PDCD4: variants seen among roughly 807,000 people sequenced by gnomAD.
The protein encoded by PDCD4 is programmed cell death protein 4.
PDCD4 carries 56 observed loss-of-function variants against 54.0 expected under a neutral mutation model. The observed-to-expected ratio is 1.04, with a 90% CI of 0.84 to 1.30. The LOEUF is 1.30. Ranked by LOEUF, PDCD4 falls within the 50% of genes most tolerant of loss-of-function variation. The pLI, the probability that PDCD4 is intolerant of heterozygous loss-of-function variation, is 0.00. For missense variants in PDCD4, 584 were observed against 559.8 expected (o/e 1.04, Z -0.44); for synonymous variants, 186 against 194.8 (o/e 0.95, Z 0.37).
Position 110,887,807 on chromosome 10 carries a change from C to T in PDCD4, c.698C>T (p.Thr233Ile), listed in dbSNP as rs144940985. Residue 233 changes from threonine to isoleucine, a missense_variant, in exon 6 of 12, where the codon ACA becomes ATA. Transcript: ENST00000280154. ...LSDLCGTVMS[T>I]TDVEKSFDKL... ...GACCTTTGTGGGACAGTAATGAGCA[C>T]AACTGATGTGGAAAAATCATTTGAT... 35 of 1,613,666 alleles carry T rather than the reference C, an allele frequency of 2.2e-5. No homozygotes were observed. The African/African-American group carries it at 4.0e-4, about 18-fold the overall frequency.
At chr10:110,885,161 A>G (rs902327152) in intron 4 of PDCD4, 92 bp from the exon 5 acceptor site, 1 of 644,482 alleles carries the variant, frequency 1.6e-6, no homozygotes, top group Non-Finnish European at 2.8e-6. Context: ...AGTGGGGATT[A>G]TTAACCACTT....
At chr10:110,875,835 T>A in intron 1 of PDCD4, 131 bp from the exon 2 acceptor site, 1 of 437,912 alleles carries the variant, frequency 2.3e-6, no homozygotes, top group Middle Eastern at 5.8e-4. Flanking sequence ...GTGAACTGTT[T>A]TATTTAATGG....
chr10:110,878,076 T>C (rs1054070352), intron 2 of PDCD4, among the ~76,000 whole-genome samples: 2 of 152,176 alleles, frequency 1.3e-5, no homozygotes, highest in Admixed American at 1.3e-4. Flanking sequence ...AAGAGGGAAT[T>C]AGTACACAGT....
At chr10:110,872,649 G>A (rs73343803) in intron 1 of PDCD4, among the ~76,000 whole-genome samples, 10,591 of 152,266 alleles carry the variant, frequency 0.07, 723 homozygotes, top group African/African-American at 0.17. Flanking sequence ...TATCCTCGCC[G>A]GGGGCGCTGG....
intron 10 of PDCD4, among the ~76,000 whole-genome samples, chr10:110,894,757 TTATG>T (rs1164381954): frequency 6.6e-6 from 1 of 151,152 alleles, no homozygotes; most frequent in African/African-American, 2.4e-5. Context: ...ACAAATGTAA[TTATG>T]TATTCTACCT....
chr10:110,876,702 T>C, intron 2 of PDCD4: 2 of 1,278,738 alleles, frequency 1.6e-6, no homozygotes, highest in East Asian at 2.8e-5. Context: ...GGTGCTTCAA[T>C]AGCATGTTAT....
chr10:110,879,119 CCA>C (rs1489847915), intron 2 of PDCD4, among the ~76,000 whole-genome samples: 1 of 152,080 alleles, frequency 6.6e-6, no homozygotes, highest in Non-Finnish European at 1.5e-5. Context: ...ATTATTTATC[CCA>C]CAGTTACTAC....
intron 7 of PDCD4, 33 bp from the exon 8 acceptor site, chr10:110,890,523 C>G: frequency 7.7e-7 from 1 of 1,296,598 alleles, no homozygotes; most frequent in South Asian, 1.3e-5. Flanking sequence ...GTATGTCCAG[C>G]TATCAAACTT....
chr10:110,882,971 G>A (rs1481306741), intron 3 of PDCD4, 32 bp from the exon 4 acceptor site: 3 of 1,306,876 alleles, frequency 2.3e-6, no homozygotes, highest in South Asian at 2.4e-5. Context: ...TGAATTTTGT[G>A]TTTTTTCTTT....
chr10:110,893,280 T>C (rs760337393), intron 8 of PDCD4, among the ~76,000 whole-genome samples: 1 of 151,910 alleles, frequency 6.6e-6, no homozygotes, highest in Non-Finnish European at 1.5e-5. Flanking sequence ...TCCTAAAGCA[T>C]GACAGCAATT....
intron 5 of PDCD4, 88 bp downstream of exon 5, chr10:110,885,454 C>A: frequency 3.5e-6 from 2 of 573,796 alleles, no homozygotes; most frequent in South Asian, 2.6e-5. Context: ...GATCTTGGGT[C>A]ACTGAATAAA....
rs150592695 is a variant in PDCD4, at chr10:110,875,739, C to G, written c.-62-227C>G. 4.4e-4 allele frequency among the ~76,000 whole-genome samples: 66 copies of G among 151,602 alleles called. 1 individual carries two copies. The East Asian group carries it at 0.01, about 24-fold the overall frequency. ...GGGGTGCTTTGGCACATGCTGAAAT[C>G]TGGGATTTTTTTTTTTGACTTTGAT... is the stretch of plus-strand genomic sequence containing the variant. On this transcript the variant is annotated intron_variant, in intron 1 of 11. Coordinates refer to ENST00000280154, the MANE Select transcript of PDCD4 (RefSeq NM_014456.5).
intron 2 of PDCD4, among the ~76,000 whole-genome samples, chr10:110,877,846 A>AT (rs1845530373): frequency 6.6e-6 from 1 of 152,220 alleles, no homozygotes; most frequent in Non-Finnish European, 1.5e-5. Context: ...TAAAATTGGG[A>AT]TATAAATACC....
chr10:110,878,003 G>A (rs949497522), intron 2 of PDCD4, among the ~76,000 whole-genome samples: 5 of 152,164 alleles, frequency 3.3e-5, no homozygotes, highest in African/African-American at 1.2e-4. Flanking sequence ...TTGAAAATGT[G>A]ATTTTCTGGT....
At chr10:110,893,527 G>T (rs1317342485) in intron 8 of PDCD4, among the ~76,000 whole-genome samples, 3 of 151,862 alleles carry the variant, frequency 2.0e-5, no homozygotes, top group Non-Finnish European at 4.4e-5. Flanking sequence ...GGAAAATCAA[G>T]ACTTGTCTCT....
At chr10:110,877,014 T>C (rs1200175587) in intron 2 of PDCD4, among the ~76,000 whole-genome samples, 1 of 152,216 alleles carries the variant, frequency 6.6e-6, no homozygotes, top group African/African-American at 2.4e-5. Context: ...TTCTTTGATC[T>C]GAACAAACAT....
chr10:110,874,856 AT>A (rs1845477643), intron 1 of PDCD4, among the ~76,000 whole-genome samples: 1 of 152,154 alleles, frequency 6.6e-6, no homozygotes, highest in Admixed American at 6.5e-5. Flanking sequence ...TATCATTGTT[AT>A]CCTAAAATGA....
chr10:110,881,416 C>T lies in PDCD4; in HGVS notation c.227C>T (p.Ser76Leu), dbSNP rs763092811. Residue 76 changes from serine to leucine, a missense_variant, in exon 3 of 12, where the codon TCG (serine) becomes TTG (leucine). Transcript: ENST00000280154. ...TCCCGGGACTCTGGCAGAGGCGATT[C>T]GGTCAGCGACAGTGGGAGTGACGCC... is the stretch of plus-strand genomic sequence containing the variant. Reference protein sequence around the residue: ...NSSRDSGRGDSVSDSGSDALR... With the variant: ...NSSRDSGRGDLVSDSGSDALR... 4.3e-6 allele frequency: 7 copies of T among 1,614,188 alleles called. No homozygotes were observed. The highest frequency in any genetic ancestry group is 4.5e-5 in the East Asian group (2 of 44,886).
At chr10:110,878,493 T>C (rs1470500996) in intron 2 of PDCD4, among the ~76,000 whole-genome samples, 1 of 152,188 alleles carries the variant, frequency 6.6e-6, no homozygotes, top group East Asian at 1.9e-4. Context: ...CAGGTAGATG[T>C]TTAATGTTTT....
Sources: gnomAD v4.1 joint callset for allele counts (sites outside exome capture counted in the v4.1 genomes callset) on GRCh38, gnomAD v4.1.1 for gene constraint, MANE v1.5 for transcripts, NCBI Gene and HGNC (gene_info 2026-07-23, HGNC 2026-07-21) for gene names.